Variants in AVL9 observed in about 807,000 individuals in gnomAD.
The protein encoded by AVL9 is late secretory pathway protein AVL9 homolog.
In AVL9, 49 loss-of-function variants were observed where a neutral mutation model predicts 79.2. That is an observed-to-expected ratio of 0.62 (90% CI 0.49 to 0.79). The LOEUF is 0.79. Ranked by LOEUF, AVL9 falls within the 30% of genes least tolerant of loss-of-function variation. The pLI is 0.00. For missense variants in AVL9, 682 were observed against 776.8 expected (o/e 0.88, Z 1.45); for synonymous variants, 299 against 280.6 (o/e 1.07, Z -0.65).
At chr7:32,580,704 G>T in intron 14 of AVL9, 98 bp from the exon 15 acceptor site, 1 of 713,018 alleles carries the variant, frequency 1.4e-6, no homozygotes, top group Non-Finnish European at 2.4e-6. Context: ...GATGGTTACA[G>T]AGTGACTATT....
intron 1 of AVL9, among the ~76,000 whole-genome samples, chr7:32,523,722 GTTTCT>G (rs1200164150): frequency 4.5e-5 from 6 of 133,762 alleles, no homozygotes; most frequent in Admixed American, 8.1e-5. Flanking sequence ...TAGAGATGGG[GTTTCT>G]TTTCTTTTCT....
intron 1 of AVL9, among the ~76,000 whole-genome samples, chr7:32,496,841 C>A (rs1411107785): frequency 6.6e-6 from 1 of 152,162 alleles, no homozygotes. Context: ...ATCCTCACAC[C>A]TGGAATGCCA....
chr7:32,576,098 A>G (rs764613868), intron 13 of AVL9, 26 bp downstream of exon 13: 22 of 1,504,738 alleles, frequency 1.5e-5, no homozygotes, highest in African/African-American at 5.5e-5. Flanking sequence ...GAAGATTGAT[A>G]GTACATAAAT....
chr7:32,544,258 C>G (rs559094294), intron 2 of AVL9, among the ~76,000 whole-genome samples: 2 of 152,126 alleles, frequency 1.3e-5, no homozygotes, highest in Admixed American at 6.5e-5. Flanking sequence ...CTTCCAGTAC[C>G]ATTATCACAG....
chr7:32,550,868 CAA>C (rs1260493287), intron 4 of AVL9, among the ~76,000 whole-genome samples: 1 of 151,960 alleles, frequency 6.6e-6, no homozygotes, highest in South Asian at 2.1e-4. Flanking sequence ...TACAGGCCAG[CAA>C]AAAAGTGTGC....
Position 32,495,725 on chromosome 7 carries a change from A to G in AVL9, c.16A>G (p.Arg6Gly). Reference sequence around the variant, plus strand: ...GCGGCCGCCCATGGAGAAGGCCAGGAGAGGCGGGGATGGCGTCCCCCGGGG... The same window carrying G: ...GCGGCCGCCCATGGAGAAGGCCAGGGGAGGCGGGGATGGCGTCCCCCGGGG... Reference protein sequence around the residue: MEKARRGGDGVPRGPV... With the variant: MEKARGGGDGVPRGPV... The change falls in exon 1 of 16, where the codon AGA becomes GGA. Residue 6 changes from arginine to glycine, a missense_variant. Arg to Gly is a moderately radical substitution (Grantham distance 125, BLOSUM62 -2). Transcript: ENST00000318709. 1.6e-6 allele frequency: 2 copies of G among 1,261,000 alleles called. 1 individual carries two copies. The allele number at this position is 1,261,000 out of a possible 1,614,324, so 78.1% of individuals were successfully genotyped here. A position where few individuals can be genotyped will look rare whatever the true frequency, so the allele number is the denominator to read the frequency against.
In AVL9 at chr7:32,587,090, T is replaced by C. The variant is rs1261271322; in HGVS notation, c.*3183T>C. 3 of 152,236 alleles carry C rather than the reference T, an allele frequency of 2.0e-5. No individual in the cohort carries two copies. The highest frequency in any genetic ancestry group is 2.9e-5 in the Non-Finnish European group (2 of 68,046). The allele number at this position is 152,236 out of a possible 1,614,324, so 9.4% of individuals were successfully genotyped here. A position where few individuals can be genotyped will look rare whatever the true frequency, so the allele number is the denominator to read the frequency against. On this transcript the variant is annotated 3_prime_UTR_variant, in exon 16 of 16. Transcript: ENST00000318709. The stretch of plus-strand genomic sequence containing the variant: ...AGCAAACCAGAGCATATGATGTAAC[T>C]TGCTCAACCTTATCTTCCTTTCCAA...
chr7:32,573,527 A>C, intron 12 of AVL9, 109 bp downstream of exon 12: 1 of 959,940 alleles, frequency 1.0e-6, no homozygotes, highest in Non-Finnish European at 1.5e-6. Context: ...TTATAGAAAA[A>C]TTACCAGTTA....
rs1314384699 is a variant in AVL9, at chr7:32,580,735, C to CT, written c.1743-66dup. ...CTATTGTGTGTGTGTCTATATGTGT[C>CT]TGTGTGCGTGTGTGAGATTTTTTTA... On this transcript the variant is annotated intron_variant, in intron 14 of 15. Coordinates refer to ENST00000318709, the MANE Select transcript of AVL9 (RefSeq NM_015060.3). 2.9e-6 allele frequency: 3 copies of CT among 1,039,900 alleles called. No homozygotes were observed. The African/African-American group carries it at 4.7e-5, about 16-fold the overall frequency. 64.4% of individuals were successfully genotyped at this position (1,039,900 alleles called of 1,614,324 possible).
intron 10 of AVL9, among the ~76,000 whole-genome samples, chr7:32,569,325 A>G (rs575981964): frequency 3.3e-5 from 5 of 152,174 alleles, no homozygotes; most frequent in East Asian, 1.9e-4. Flanking sequence ...CCTTCAGTCA[A>G]TCATTCCAGT....
intron 8 of AVL9, among the ~76,000 whole-genome samples, chr7:32,555,104 T>G (rs1395281582): frequency 6.6e-6 from 1 of 152,138 alleles, no homozygotes; most frequent in Non-Finnish European, 1.5e-5. Flanking sequence ...TTTGGGAGGC[T>G]GAAGCAGGAG....
intron 1 of AVL9, among the ~76,000 whole-genome samples, chr7:32,541,938 C>T (rs1789229854): frequency 1.3e-5 from 2 of 152,046 alleles, no homozygotes; most frequent in Non-Finnish European, 2.9e-5. Context: ...TGGTCTCGAA[C>T]TTCTGGCCTC....
chr7:32,575,350 C>T (rs1791043232), intron 12 of AVL9, among the ~76,000 whole-genome samples: 1 of 152,154 alleles, frequency 6.6e-6, no homozygotes, highest in South Asian at 2.1e-4. Flanking sequence ...CCGCCCTCCT[C>T]GACCTCCCAA....
chr7:32,567,838 C>A (rs1790651473), intron 10 of AVL9, among the ~76,000 whole-genome samples: 5 of 151,898 alleles, frequency 3.3e-5, no homozygotes, highest in Admixed American at 3.3e-4. Context: ...CTGCCTCAGC[C>A]TCTTGAGTAG....
intron 9 of AVL9, 110 bp from the exon 10 acceptor site, chr7:32,558,819 G>T: frequency 1.8e-6 from 2 of 1,116,818 alleles, no homozygotes; most frequent in Non-Finnish European, 2.5e-6. Flanking sequence ...TAATTAAAAT[G>T]TGTACAAGCA....
Position 32,584,951 on chromosome 7 carries a change from G to T in AVL9, c.*1044G>T, listed in dbSNP as rs1340007962. 1 of 152,158 alleles carries T rather than the reference G, an allele frequency of 6.6e-6. No homozygotes were observed. The highest frequency in any genetic ancestry group is 2.4e-5 in the African/African-American group (1 of 41,412). The allele number at this position is 152,158 out of a possible 1,614,324, so 9.4% of individuals were successfully genotyped here. A position where few individuals can be genotyped will look rare whatever the true frequency, so the allele number is the denominator to read the frequency against. ...TGCCCAGCTAATTATTGTATTTTTA[G>T]TAGAGACGGGGTTTTGCCATGTTGG... On this transcript the variant is annotated 3_prime_UTR_variant, in exon 16 of 16. Transcript: ENST00000318709.
At chr7:32,519,122 T>A (rs890741975) in intron 1 of AVL9, among the ~76,000 whole-genome samples, 1 of 152,144 alleles carries the variant, frequency 6.6e-6, no homozygotes, top group Admixed American at 6.5e-5. Context: ...GAGTTCTAAT[T>A]TGACTTAAAG....
intron 1 of AVL9, among the ~76,000 whole-genome samples, chr7:32,512,965 G>A (rs1224311003): frequency 6.6e-6 from 1 of 152,192 alleles, no homozygotes; most frequent in East Asian, 1.9e-4. Flanking sequence ...GGATCCATGA[G>A]GAGGCATGGA....
chr7:32,528,940 G>A (rs1320789081), intron 1 of AVL9, among the ~76,000 whole-genome samples: 1 of 152,186 alleles, frequency 6.6e-6, no homozygotes, highest in African/African-American at 2.4e-5. Flanking sequence ...AACCCAGGGA[G>A]CAGAGCCTGC....
Sources: gnomAD v4.1 joint callset for allele counts (sites outside exome capture counted in the v4.1 genomes callset) on GRCh38, gnomAD v4.1.1 for gene constraint, MANE v1.5 for transcripts, NCBI Gene and HGNC (gene_info 2026-07-23, HGNC 2026-07-21) for gene names.